TP53BP2: variants seen among roughly 807,000 people sequenced by gnomAD.
TP53BP2 encodes the protein apoptosis-stimulating of p53 protein 2.
TP53BP2 carries 62 observed loss-of-function variants against 126.2 expected under a neutral mutation model. The ratio of observed to expected loss-of-function variants is 0.49; its 90% CI spans 0.40 to 0.61. TP53BP2 has a LOEUF of 0.61. Ranked by LOEUF, TP53BP2 falls within the 20% of genes least tolerant of loss-of-function variation. The pLI, the probability that TP53BP2 is intolerant of heterozygous loss-of-function variation, is 0.00. For missense variants in TP53BP2, 1,215 were observed against 1,402.8 expected, an observed-to-expected ratio of 0.87 and a Z score of 2.14; for synonymous variants, 485 against 502.9, an observed-to-expected ratio of 0.96 and a Z score of 0.48.
In TP53BP2 at chr1:223,780,023, C is replaced by A. The variant is rs1220273733; in HGVS notation, c.*830G>T. ...TTCTTTTTCAGCTGGGTATGATATC[C>A]CAACGGCTTGTGACTATTAAACAAG... On this transcript the variant is annotated 3_prime_UTR_variant, in exon 18 of 18. Coordinates refer to ENST00000343537, the MANE Select transcript of TP53BP2 (RefSeq NM_001031685.3). 1 of 152,124 alleles carries A rather than the reference C, an allele frequency of 6.6e-6. No homozygotes were observed. Among genetic ancestry groups the A allele is most frequent in the Non-Finnish European group, 1.5e-5 (1 of 68,018 alleles). 9.4% of individuals were successfully genotyped at this position (152,124 alleles called of 1,614,324 possible). A position where few individuals can be genotyped will look rare whatever the true frequency, so the allele number is the denominator to read the frequency against.
chr1:223,789,381 T>A (rs796220235), intron 15 of TP53BP2, among the ~76,000 whole-genome samples: 1 of 152,204 alleles, frequency 6.6e-6, no homozygotes, highest in Admixed American at 6.5e-5. Context: ...CAGAGAGTCA[T>A]GGACCACAAT....
At chr1:223,813,477 T>C (rs973979875) in intron 3 of TP53BP2, among the ~76,000 whole-genome samples, 2 of 152,170 alleles carry the variant, frequency 1.3e-5, no homozygotes, top group Non-Finnish European at 2.9e-5. Context: ...TGTCTACTCT[T>C]TCCCCACAGC....
At chr1:223,820,652 C>T (rs1663269059) in intron 2 of TP53BP2, among the ~76,000 whole-genome samples, 1 of 152,150 alleles carries the variant, frequency 6.6e-6, no homozygotes, top group Non-Finnish European at 1.5e-5. Context: ...AGGAAACCAG[C>T]AGGAGTTCAT....
At chr1:223,844,188 T>C (rs1304087227) in intron 1 of TP53BP2, among the ~76,000 whole-genome samples, 9 of 152,312 alleles carry the variant, frequency 5.9e-5, no homozygotes, top group African/African-American at 1.9e-4. Flanking sequence ...TGTGTTAGGA[T>C]TGTATTCTGA....
chr1:223,837,301 A>G (rs1663956561), intron 1 of TP53BP2, among the ~76,000 whole-genome samples: 1 of 152,100 alleles, frequency 6.6e-6, no homozygotes, highest in African/African-American at 2.4e-5. Context: ...CACCCTACTC[A>G]GTTGAAAAGA....
At chr1:223,803,860 GA>G (rs1355901170) in intron 6 of TP53BP2, among the ~76,000 whole-genome samples, 1 of 152,094 alleles carries the variant, frequency 6.6e-6, no homozygotes, top group Admixed American at 6.5e-5. Flanking sequence ...ATATTAAGGG[GA>G]AAAAATGCTA....
intron 2 of TP53BP2, chr1:223,818,150 C>T (rs907616411): frequency 1.3e-5 from 2 of 152,452 alleles, no homozygotes; most frequent in African/African-American, 2.4e-5. Flanking sequence ...GTGATTACAT[C>T]AAGAGATCAG....
chr1:223,781,194 G>A (rs1221768925), intron 17 of TP53BP2, among the ~76,000 whole-genome samples: 2 of 150,796 alleles, frequency 1.3e-5, no homozygotes, highest in African/African-American at 4.8e-5. Context: ...TTGTTGAGCT[G>A]TAAATCGGCT....
At chr1:223,823,655 C>A (rs1273361176) in intron 1 of TP53BP2, among the ~76,000 whole-genome samples, 1 of 152,148 alleles carries the variant, frequency 6.6e-6, no homozygotes, top group Non-Finnish European at 1.5e-5. Context: ...AATTATTACA[C>A]AAAAATCATA....
intron 7 of TP53BP2, 111 bp downstream of exon 7, chr1:223,803,160 C>T (rs1662587374): frequency 7.6e-7 from 1 of 1,318,480 alleles, no homozygotes; most frequent in African/African-American, 1.5e-5. Flanking sequence ...CCACAACCTG[C>T]CTTCTCTTTA....
intron 7 of TP53BP2, 121 bp from the exon 8 acceptor site, chr1:223,803,016 C>T: frequency 9.3e-7 from 1 of 1,071,036 alleles, no homozygotes; most frequent in East Asian, 2.6e-5. Flanking sequence ...CACCCCTCCA[C>T]ACTTCTCATC....
Position 223,821,329 on chromosome 1 carries a change from G to A in TP53BP2, c.66C>T (p.His22=), listed in dbSNP as rs757973883. The A allele has an allele frequency of 1.3e-5, 21 of 1,613,944 alleles. No individual in the cohort carries two copies. In the East Asian group the frequency reaches 2.0e-4, roughly 15 times the overall value. The change falls in exon 2 of 18, where the codon CAC becomes CAT. Residue 22 remains histidine, a synonymous_variant. Coordinates refer to ENST00000343537, the MANE Select transcript of TP53BP2 (RefSeq NM_001031685.3). ...CTGGAGTAACTGGAACTTCTGTGAA[G>A]TGCTGCTCATTGTTACTGAGATACA... The part of the protein sequence containing the change: ...LTVYLSNNEQ[H]FTEVPVTPET...
At chr1:223,815,756 A>G (rs190541500) in intron 2 of TP53BP2, among the ~76,000 whole-genome samples, 33 of 150,582 alleles carry the variant, frequency 2.2e-4, no homozygotes, top group East Asian at 2.1e-3. Context: ...CAGTGGTCCC[A>G]TAAGATTTTA....
At chr1:223,812,664 A>C (rs912574959) in intron 3 of TP53BP2, among the ~76,000 whole-genome samples, 1 of 152,034 alleles carries the variant, frequency 6.6e-6, no homozygotes, top group Non-Finnish European at 1.5e-5. Flanking sequence ...GATTCAAGCG[A>C]TTCTCCCGCC....
At position 223,804,269 on chromosome 1, in the gene TP53BP2, A is replaced by G. The variant is rs1662636915; in HGVS notation, c.554T>C (p.Leu185Pro). 1.2e-6 allele frequency: 2 copies of G among 1,613,954 alleles called. No homozygotes were observed. The highest frequency in any genetic ancestry group is 1.7e-6 in the Non-Finnish European group (2 of 1,179,994). ...TTCCTGATTCTCAGCTATTTCTTTT[A>G]GCCTTTTAAGTTTCTCCTGCTCAGC... ...QVAEQEKLKR[L>P]KEIAENQEAK... The change falls in exon 6 of 18, where the codon CTA becomes CCA. Residue 185 changes from leucine (L) to proline (P), a missense_variant. Leu to Pro is a moderately conservative substitution (Grantham distance 98). Around this residue, in one of 4 missense-constraint regions of TP53BP2, gnomAD observed 814 missense variants for 853.0 expected, o/e 0.95. Coordinates refer to ENST00000343537, the MANE Select transcript of TP53BP2 (RefSeq NM_001031685.3).
Position 223,831,472 on chromosome 1 carries a change from AAAAAAAAAATAT to A in TP53BP2, c.28-10117_28-10106del, listed in dbSNP as rs1216171210. On this transcript the variant is annotated intron_variant, in intron 1 of 17. Coordinates refer to ENST00000343537, the MANE Select transcript of TP53BP2 (RefSeq NM_001031685.3). ...CACACACATATGTACCATCTAAAAAAAAAAAAAAATATATATATATATATATATATATATATA... is the reference window on the plus strand; with the variant it reads ...CACACACATATGTACCATCTAAAAAAATATATATATATATATATATATATA... Among the ~76,000 whole-genome samples the A allele has an allele frequency of 8.0e-3, 340 of 42,448 alleles. 5 individuals carry two copies. Among genetic ancestry groups the A allele is most frequent in the African/African-American group, 0.034 (310 of 9,020 alleles). 27.8% of individuals were successfully genotyped at this position (42,448 alleles called of 152,430 possible).
At chr1:223,840,873 T>C (rs1327282391) in intron 1 of TP53BP2, among the ~76,000 whole-genome samples, 31 of 152,220 alleles carry the variant, frequency 2.0e-4, no homozygotes. Context: ...CTGGTTTCTC[T>C]GAAACAGGTA....
intron 7 of TP53BP2, 158 bp downstream of exon 7, chr1:223,803,113 A>C: frequency 9.9e-7 from 1 of 1,011,534 alleles, no homozygotes. Context: ...AGGGTACTAT[A>C]AAGTTTACTC....
intron 1 of TP53BP2, among the ~76,000 whole-genome samples, chr1:223,828,806 A>AT (rs2102880591): frequency 6.6e-6 from 1 of 152,336 alleles, no homozygotes; most frequent in African/African-American, 2.4e-5. Flanking sequence ...CAAAAAGTTG[A>AT]TAACTGCCAA....
Sources: allele counts gnomAD v4.1 joint callset (sites outside exome capture counted in the v4.1 genomes callset), GRCh38; gene constraint gnomAD v4.1.1; regional missense constraint gnomAD v4.1.1; transcripts MANE v1.5; gene names NCBI Gene and HGNC (gene_info 2026-07-23, HGNC 2026-07-21).